The following UGT2B7 variants were observed in gnomAD, a reference collection of about 807,000 sequenced individuals.
The protein encoded by UGT2B7 is UDP-glucuronosyltransferase 2B7.
UGT2B7 carries 51 observed loss-of-function variants against 51.9 expected under a neutral mutation model. That is an observed-to-expected ratio of 0.98 (90% CI 0.78 to 1.24). The LOEUF (loss-of-function observed/expected upper bound fraction) is 1.24, where lower values mean the gene tolerates loss of function less well. UGT2B7 is among the 50% of genes most tolerant of loss of function. The pLI, the probability that UGT2B7 is intolerant of heterozygous loss-of-function variation, is 0.00. For synonymous variants in UGT2B7, 225 were observed against 211.6 expected (o/e 1.06, Z -0.55); for missense variants, 727 against 628.4 (o/e 1.16, Z -1.68).
chr4:69,082,221 C>T (rs1718852668), intron 1 of UGT2B7, among the ~76,000 whole-genome samples: 1 of 151,920 alleles, frequency 6.6e-6, no homozygotes, highest in South Asian at 2.1e-4. Flanking sequence ...GACACAACAA[C>T]ATTGAAATTA....
In UGT2B7 at chr4:69,090,368, C is replaced by A. The variant is rs190609612; in HGVS notation, c.-27+765C>A. On this transcript the variant is annotated intron_variant, in intron 2 of 5. Coordinates refer to the UGT2B7 transcript ENST00000502942. The stretch of plus-strand genomic sequence containing the variant: ...TATGTTTTCAAATGCAAGATTTTCA[C>A]ATAGCTTTCCCATAAAAAACAAATT... Among the ~76,000 whole-genome samples, 641 of 152,168 alleles carry A rather than the reference C, an allele frequency of 4.2e-3. 2 individuals carry two copies. Among genetic ancestry groups the A allele is most frequent in the African/African-American group, 0.015 (613 of 41,524 alleles).
Position 69,102,945 on chromosome 4 carries a change from T to C in UGT2B7, c.1002+7T>C, listed in dbSNP as rs774336372. On this transcript the variant is annotated splice_region_variant and intron_variant, in intron 3 of 5. Coordinates refer to ENST00000305231, the MANE Select transcript of UGT2B7 (RefSeq NM_001074.4). Reference sequence around the variant, plus strand: ...GGCCCAGATCCCACAAAAGGTAAGATGAAGTGCCTTACTGGTGTGGAAAAC... The same window carrying C: ...GGCCCAGATCCCACAAAAGGTAAGACGAAGTGCCTTACTGGTGTGGAAAAC... The C allele has an allele frequency of 1.9e-6, 3 of 1,611,758 alleles. No individual in the cohort carries two copies. The highest frequency in any genetic ancestry group is 1.1e-5 in the South Asian group (1 of 90,802).
At chr4:69,104,384 C>G (rs1225658285) in intron 3 of UGT2B7, among the ~76,000 whole-genome samples, 1 of 152,050 alleles carries the variant, frequency 6.6e-6, no homozygotes, top group East Asian at 1.9e-4. Flanking sequence ...TTTACTTCAA[C>G]ATAGGGAACA....
At chr4:69,079,065 G>A (rs1279789760) in intron 1 of UGT2B7, among the ~76,000 whole-genome samples, 6 of 152,168 alleles carry the variant, frequency 3.9e-5, no homozygotes. Flanking sequence ...TGTTTCCTGG[G>A]ACAATAGGAA....
At chr4:69,055,900 C>G (rs182133271) in intron 1 of UGT2B7, among the ~76,000 whole-genome samples, 16 of 152,294 alleles carry the variant, frequency 1.1e-4, no homozygotes, top group Non-Finnish European at 2.1e-4. Flanking sequence ...ACCACAAAAA[C>G]AGTTACATGG....
chr4:69,055,143 C>T (rs1480880131), intron 1 of UGT2B7, among the ~76,000 whole-genome samples: 6 of 76,912 alleles, frequency 7.8e-5, no homozygotes, highest in Non-Finnish European at 1.1e-4. Flanking sequence ...TCCCCAAAAA[C>T]GTAATCTTAA....
upstream of UGT2B7, chr4:69,096,334 A>C: frequency 1.1e-6 from 1 of 881,130 alleles, no homozygotes; most frequent in Non-Finnish European, 1.7e-6. Context: ...ATCTGTGTGA[A>C]CAGATCATTT....
chr4:69,105,123 T>G (rs1422631855), intron 3 of UGT2B7, among the ~76,000 whole-genome samples: 5 of 152,044 alleles, frequency 3.3e-5, no homozygotes, highest in Admixed American at 3.3e-4. Context: ...CTGTGCAGTA[T>G]AAAATGTGGC....
In UGT2B7 at chr4:69,072,680, T is replaced by TG. The variant is rs1392999419; in HGVS notation, c.-158-16785dup. Among the ~76,000 whole-genome samples the TG allele has an allele frequency of 9.2e-5, 14 of 152,074 alleles. No homozygotes were observed. In the East Asian group the frequency reaches 1.3e-3, roughly 15 times the overall value. On this transcript the variant is annotated intron_variant, in intron 1 of 5. Coordinates refer to the UGT2B7 transcript ENST00000502942. ...TGAATAACAGTAAAGAGCAGGGTCT[T>TG]GGGGGGGTTGTGTCTTCTGGCATCT...
At chr4:69,100,170 G>A (rs576919639) in intron 2 of UGT2B7, among the ~76,000 whole-genome samples, 3 of 151,960 alleles carry the variant, frequency 2.0e-5, no homozygotes, top group Non-Finnish European at 4.4e-5. Context: ...ACTTATTAAA[G>A]CTTCCTGTGG....
intron 1 of UGT2B7, among the ~76,000 whole-genome samples, chr4:69,084,912 T>G (rs1490335714): frequency 2.6e-5 from 4 of 152,188 alleles, no homozygotes; most frequent in Non-Finnish European, 5.9e-5. Flanking sequence ...CTATTGTGAA[T>G]AATGCTGCAA....
At chr4:69,079,555 T>C (rs1718789672) in intron 1 of UGT2B7, among the ~76,000 whole-genome samples, 1 of 152,206 alleles carries the variant, frequency 6.6e-6, no homozygotes, top group Admixed American at 6.5e-5. Flanking sequence ...TTTCTTGATT[T>C]ACTAAGTTTA....
intron 1 of UGT2B7, among the ~76,000 whole-genome samples, chr4:69,064,707 G>T (rs1718450611): frequency 6.6e-6 from 1 of 152,146 alleles, no homozygotes; most frequent in African/African-American, 2.4e-5. Context: ...CCAATCTCTG[G>T]ATGTTAAGTC....
At position 69,108,337 on chromosome 4, in the gene UGT2B7, A is replaced by G; in HGVS notation, c.1310+15A>G. ...AATGATCCTTCGTGAGTAGAACAATATTTTTCACTAGGTGGTATTTACAGA... is the reference window on the plus strand; with the variant it reads ...AATGATCCTTCGTGAGTAGAACAATGTTTTTCACTAGGTGGTATTTACAGA... On this transcript the variant is annotated intron_variant, in intron 5 of 5. Coordinates refer to ENST00000305231, the MANE Select transcript of UGT2B7 (RefSeq NM_001074.4). 1 of 1,611,494 alleles carries G rather than the reference A, an allele frequency of 6.2e-7. No homozygotes were observed.
upstream of UGT2B7, among the ~76,000 whole-genome samples, chr4:69,094,481 C>G (rs529282699): frequency 5.9e-5 from 9 of 152,220 alleles, no homozygotes; most frequent in South Asian, 1.9e-3. Flanking sequence ...TATGTTTACA[C>G]AATGCTATAG....
chr4:69,089,290 G>A lies in UGT2B7; in HGVS notation c.-158-182G>A, dbSNP rs141083591. The stretch of plus-strand genomic sequence containing the variant: ...ACCGTTTCTAGTACATAATTACTAT[G>A]TATTGAAGCTATGTGTTTCCAACAC... On this transcript the variant is annotated intron_variant, in intron 1 of 5. Coordinates refer to the UGT2B7 transcript ENST00000502942. 1.8e-3 allele frequency among the ~76,000 whole-genome samples: 274 copies of A among 152,228 alleles called. 2 individuals carry two copies. Among genetic ancestry groups the A allele is most frequent in the African/African-American group, 6.4e-3 (266 of 41,550 alleles).
intron 1 of UGT2B7, among the ~76,000 whole-genome samples, chr4:69,083,021 A>G (rs1718872133): frequency 6.6e-6 from 1 of 152,098 alleles, no homozygotes; most frequent in African/African-American, 2.4e-5. Context: ...AGCCCTTGAG[A>G]ATCTGCTTTG....
upstream of UGT2B7, among the ~76,000 whole-genome samples, chr4:69,093,351 C>A (rs1291767741): frequency 6.6e-6 from 1 of 152,198 alleles, no homozygotes; most frequent in African/African-American, 2.4e-5. Flanking sequence ...AAGATGGTGG[C>A]CCACCCCACG....
At chr4:69,092,548 G>A (rs929107325), upstream of UGT2B7, among the ~76,000 whole-genome samples, 3 of 79,730 alleles carry the variant, frequency 3.8e-5, no homozygotes, top group South Asian at 4.2e-4. Flanking sequence ...TGTGCACATC[G>A]TAGGACAGAG....
Sources: gnomAD v4.1 joint callset for allele counts (sites outside exome capture counted in the v4.1 genomes callset) on GRCh38, gnomAD v4.1.1 for gene constraint, MANE v1.5 for transcripts, NCBI Gene and HGNC (gene_info 2026-07-23, HGNC 2026-07-21) for gene names.